AKAP13: variants seen among roughly 807,000 people sequenced by gnomAD.
AKAP13 encodes A-kinase anchor protein 13.
In AKAP13, 80 loss-of-function variants were observed where a neutral mutation model predicts 264.5. The ratio of observed to expected loss-of-function variants is 0.30; its 90% CI spans 0.25 to 0.36. AKAP13 has a LOEUF of 0.36. AKAP13 is among the 10% of genes least tolerant of loss of function. The pLI is 1.00. For missense variants in AKAP13, 3,712 were observed against 3,435.2 expected, an observed-to-expected ratio of 1.08 and a Z score of -2.01; for synonymous variants, 1,380 against 1,250.2, an observed-to-expected ratio of 1.10 and a Z score of -2.19.
intron 1 of AKAP13, among the ~76,000 whole-genome samples, chr15:85,392,251 ATTT>A (rs57208601): frequency 9.4e-6 from 1 of 106,324 alleles, no homozygotes. Context: ...GCCCTTAATA[ATTT>A]TTTTTTTTTT....
chr15:85,463,201 TA>T (rs994891106), intron 1 of AKAP13, among the ~76,000 whole-genome samples: 1 of 152,010 alleles, frequency 6.6e-6, no homozygotes, highest in Non-Finnish European at 1.5e-5. Flanking sequence ...GGACAGTCTT[TA>T]AAAGGTCTAT....
chr15:85,585,408 A>C (rs1394696056), intron 7 of AKAP13, among the ~76,000 whole-genome samples: 1 of 152,152 alleles, frequency 6.6e-6, no homozygotes, highest in Non-Finnish European at 1.5e-5. Context: ...TTGGTGCTAC[A>C]CTCAGATTTG....
At chr15:85,582,651 G>GTT (rs143469130) in intron 7 of AKAP13, among the ~76,000 whole-genome samples, 86 of 147,952 alleles carry the variant, frequency 5.8e-4, no homozygotes, top group Non-Finnish European at 1.0e-3. Context: ...GTCATTGGTG[G>GTT]TTTTTTGTTT....
At chr15:85,415,217 C>T (rs1031196995) in intron 1 of AKAP13, 17 of 1,536,108 alleles carry the variant, frequency 1.1e-5, no homozygotes, top group African/African-American at 4.1e-5. Flanking sequence ...CCAGCTCGCC[C>T]GCACCCCTCA....
rs369337254 is a variant in AKAP13 at position 85,469,115 on chromosome 15, A to G, written c.-11-16595A>G. On this transcript the variant is annotated intron_variant, in intron 1 of 36. Transcript: ENST00000394518. ...TTATTAGTAGAGATGGAATTTCACC[A>G]TGTCAGCCAGGCTGGTCTTGAACTC... 3.6e-5 allele frequency among the ~76,000 whole-genome samples: 4 copies of G among 110,834 alleles called. No homozygotes were observed. In the East Asian group the frequency reaches 7.7e-4, roughly 21 times the overall value. 72.7% of individuals were successfully genotyped at this position (110,834 alleles called of 152,430 possible). A position where few individuals can be genotyped will look rare whatever the true frequency, so the allele number is the denominator to read the frequency against.
At chr15:85,686,191 A>ATGCGTG (rs1555459328) in intron 16 of AKAP13, among the ~76,000 whole-genome samples, 20,855 of 151,418 alleles carry the variant, frequency 0.14, 2,014 homozygotes, top group East Asian at 0.37. Context: ...ACGTGCATGC[A>ATGCGTG]TGTGTGTGTG....
chr15:85,417,465 T>C (rs2072295379), intron 1 of AKAP13, among the ~76,000 whole-genome samples: 1 of 152,318 alleles, frequency 6.6e-6, no homozygotes, highest in East Asian at 1.9e-4. Context: ...CAGAAATTAC[T>C]GGAATGTAGT....
chr15:85,526,291 A>G (rs1303340483), intron 3 of AKAP13, among the ~76,000 whole-genome samples: 5 of 151,386 alleles, frequency 3.3e-5, no homozygotes, highest in African/African-American at 1.2e-4. Context: ...ACAGAGTCTC[A>G]CTCTTTTGTC....
At chr15:85,740,521 A>G (rs2088873742) in intron 34 of AKAP13, 1 of 498,214 alleles carries the variant, frequency 2.0e-6, no homozygotes, top group East Asian at 3.1e-5. Flanking sequence ...ATAGCATGCT[A>G]ACATGCATCT....
intron 2 of AKAP13, among the ~76,000 whole-genome samples, chr15:85,506,624 G>A (rs779844499): frequency 2.0e-5 from 3 of 152,168 alleles, no homozygotes; most frequent in Non-Finnish European, 4.4e-5. Context: ...GATAGATAAG[G>A]AGAGTTAGGG....
At chr15:85,678,764 G>A (rs2084400411) in intron 14 of AKAP13, among the ~76,000 whole-genome samples, 1 of 152,072 alleles carries the variant, frequency 6.6e-6, no homozygotes. Flanking sequence ...AGTTACTTGG[G>A]AGGCTGAGGC....
chr15:85,703,853 A>AATAT (rs1555461459), intron 17 of AKAP13, among the ~76,000 whole-genome samples: 17 of 142,540 alleles, frequency 1.2e-4, no homozygotes, highest in South Asian at 2.2e-4. Flanking sequence ...AAAAAAAAAA[A>AATAT]ATATATATAT....
chr15:85,457,530 A>G (rs1181166889), intron 1 of AKAP13, among the ~76,000 whole-genome samples: 2 of 152,326 alleles, frequency 1.3e-5, no homozygotes, highest in South Asian at 2.1e-4. Flanking sequence ...GAGAGCGCCT[A>G]GCTCAGCACC....
At chr15:85,509,520 T>C (rs2076348206) in intron 2 of AKAP13, among the ~76,000 whole-genome samples, 1 of 152,180 alleles carries the variant, frequency 6.6e-6, no homozygotes, top group African/African-American at 2.4e-5. Context: ...TTTTCTAGCT[T>C]GATGGCAATA....
intron 35 of AKAP13, among the ~76,000 whole-genome samples, chr15:85,741,729 C>CAAAAA (rs112524984): frequency 1.1e-3 from 93 of 82,266 alleles, no homozygotes; most frequent in South Asian, 1.6e-3. Flanking sequence ...AACAAACAAA[C>CAAAAA]AAAAAAAAAA....
intron 13 of AKAP13, among the ~76,000 whole-genome samples, chr15:85,668,976 G>A (rs975244179): frequency 2.0e-5 from 3 of 152,016 alleles, no homozygotes; most frequent in Admixed American, 1.3e-4. Context: ...GGTGACTCAC[G>A]CCTGTAATCC....
At chr15:85,431,596 G>A (rs1254433684) in intron 1 of AKAP13, among the ~76,000 whole-genome samples, 1 of 152,162 alleles carries the variant, frequency 6.6e-6, no homozygotes, top group Non-Finnish European at 1.5e-5. Flanking sequence ...TGAAGGAGTG[G>A]TCAGGTGATG....
rs758128229 is a variant in AKAP13, at chr15:85,515,759, A to G, written c.34-5669A>G. On this transcript the variant is annotated intron_variant, in intron 2 of 36. Transcript: ENST00000394518. Reference sequence around the variant, plus strand: ...TAGATTGAAGTTATGCATTTTTGTTAGGAACACTGTAAGTGATGCTGTGTC... The same window carrying G: ...TAGATTGAAGTTATGCATTTTTGTTGGGAACACTGTAAGTGATGCTGTGTC... 1.4e-5 allele frequency among the ~76,000 whole-genome samples: 2 copies of G among 138,248 alleles called. 1 individual carries two copies. Among genetic ancestry groups the G allele is most frequent in the Non-Finnish European group, 3.1e-5 (2 of 64,672 alleles). 90.7% of individuals were successfully genotyped at this position (138,248 alleles called of 152,430 possible).
chr15:85,414,395 A>G (rs1285129854), intron 1 of AKAP13, among the ~76,000 whole-genome samples: 2 of 152,262 alleles, frequency 1.3e-5, no homozygotes, highest in East Asian at 3.8e-4. Flanking sequence ...TCCAAGAGGA[A>G]TAAGACCACC....
Sources: allele counts gnomAD v4.1 joint callset (sites outside exome capture counted in the v4.1 genomes callset), GRCh38; gene constraint gnomAD v4.1.1; transcripts MANE v1.5; gene names NCBI Gene and HGNC (gene_info 2026-07-23, HGNC 2026-07-21).